Variants in ZNF385D observed in about 807,000 individuals in gnomAD.
The protein encoded by ZNF385D is zinc finger protein 659.
ZNF385D carries 15 observed loss-of-function variants against 35.8 expected under a neutral mutation model. The ratio of observed to expected loss-of-function variants is 0.42; its 90% CI spans 0.28 to 0.64. The LOEUF is 0.64. Ranked by LOEUF, ZNF385D falls within the 30% of genes least tolerant of loss-of-function variation. The probability of loss-of-function intolerance (pLI) is 0.23; values close to 1 mark genes in which losing one functional copy is unlikely to be tolerated. For synonymous variants in ZNF385D, 212 were observed against 186.8 expected, an observed-to-expected ratio of 1.13 and a Z score of -1.10; for missense variants, 474 against 494.6, an observed-to-expected ratio of 0.96 and a Z score of 0.39.
At chr3:21,443,383 T>A (rs1300683235) in intron 4 of ZNF385D, 2 of 982,888 alleles carry the variant, frequency 2.0e-6, no homozygotes, top group Non-Finnish European at 2.4e-6. Flanking sequence ...TGGCATATAG[T>A]CTCCATTTGT....
At chr3:21,558,142 T>C (rs1168007295) in intron 3 of ZNF385D, among the ~76,000 whole-genome samples, 2 of 150,190 alleles carry the variant, frequency 1.3e-5, no homozygotes, top group Non-Finnish European at 3.0e-5. Flanking sequence ...GGGTTTTTCA[T>C]GTCTCTATCT....
chr3:22,309,676 G>A (rs1703430119), intron 2 of ZNF385D, among the ~76,000 whole-genome samples: 1 of 151,978 alleles, frequency 6.6e-6, no homozygotes, highest in Admixed American at 6.6e-5. Flanking sequence ...CAATTAAGCT[G>A]ACCAAACTCA....
Position 21,851,285 on chromosome 3 carries a change from T to C in ZNF385D, c.326-186257A>G, listed in dbSNP as rs545440013. 5.3e-5 allele frequency among the ~76,000 whole-genome samples: 8 copies of C among 152,178 alleles called. No homozygotes were observed. In the East Asian group the frequency reaches 1.4e-3, roughly 26 times the overall value. ...TGATGAAAGCAACTACAGGCATACC[T>C]TGGAGACATGGAGCAACCAGAACTC... On this transcript the variant is annotated intron_variant, in intron 3 of 5. Transcript: ENST00000494108.
At chr3:21,847,055 A>G (rs2125800004) in intron 3 of ZNF385D, among the ~76,000 whole-genome samples, 1 of 152,152 alleles carries the variant, frequency 6.6e-6, no homozygotes, top group South Asian at 2.1e-4. Context: ...TTCAACCTGA[A>G]CTTTTTCAGT....
At position 21,421,635 on chromosome 3, in the gene ZNF385D, A is replaced by C. The variant is rs1700744592; in HGVS notation, c.955-188T>G. Among the ~76,000 whole-genome samples the C allele has an allele frequency of 2.0e-5, 3 of 152,230 alleles. No homozygotes were observed. The South Asian group carries it at 6.2e-4, about 32-fold the overall frequency. Reference sequence around the variant, plus strand: ...TTTCCCTTTGGAAGAGTTGGAAGATACCTGAAAATGGCCAACCGGGAATGC... The same window carrying C: ...TTTCCCTTTGGAAGAGTTGGAAGATCCCTGAAAATGGCCAACCGGGAATGC... On this transcript the variant is annotated intron_variant, in intron 7 of 7. Coordinates refer to ENST00000281523, the MANE Select transcript of ZNF385D (RefSeq NM_024697.3).
At chr3:21,784,635 T>A (rs1257297378) in intron 3 of ZNF385D, among the ~76,000 whole-genome samples, 5 of 131,836 alleles carry the variant, frequency 3.8e-5, no homozygotes, top group Admixed American at 8.2e-5. Context: ...AAATAGTACT[T>A]TAATTAATTA....
intron 2 of ZNF385D, among the ~76,000 whole-genome samples, chr3:22,308,025 T>C (rs2125422933): frequency 6.6e-6 from 1 of 152,260 alleles, no homozygotes; most frequent in South Asian, 2.1e-4. Context: ...TTTAGGTCTC[T>C]AGACAGCTCC....
At chr3:21,862,599 T>G (rs1398874591) in intron 3 of ZNF385D, among the ~76,000 whole-genome samples, 1 of 152,094 alleles carries the variant, frequency 6.6e-6, no homozygotes, top group East Asian at 1.9e-4. Context: ...ATATTATGTG[T>G]ATAGCATTCC....
chr3:21,781,116 C>A lies in ZNF385D; in HGVS notation c.326-116088G>T, dbSNP rs892934142. Among the ~76,000 whole-genome samples, 3 of 151,822 alleles carry A rather than the reference C, an allele frequency of 2.0e-5. 1 individual carries two copies. In the South Asian group the frequency reaches 6.2e-4, roughly 31 times the overall value. ...AGGAGATAATAAGCAAGAGAGGTAA[C>A]CCGGAAGAGATATGTAAGGTCAGCT... On this transcript the variant is annotated intron_variant, in intron 3 of 5. Coordinates refer to the ZNF385D transcript ENST00000494108.
chr3:21,773,573 G>GA (rs1022547674), intron 3 of ZNF385D, among the ~76,000 whole-genome samples: 216 of 150,930 alleles, frequency 1.4e-3, no homozygotes, highest in African/African-American at 5.0e-3. Flanking sequence ...GAATTTACAA[G>GA]AAAAAAAACA....
At chr3:21,768,400 T>C (rs1224614772) in intron 3 of ZNF385D, among the ~76,000 whole-genome samples, 8 of 152,012 alleles carry the variant, frequency 5.3e-5, no homozygotes, top group African/African-American at 1.4e-4. Flanking sequence ...CAGGAGTCTC[T>C]TTCCCCACCT....
chr3:22,237,884 T>G (rs770587470), intron 2 of ZNF385D, among the ~76,000 whole-genome samples: 51 of 151,040 alleles, frequency 3.4e-4, no homozygotes, highest in Non-Finnish European at 6.0e-4. Context: ...TCTTGTGATC[T>G]GCCCGCCACA....
At chr3:22,317,651 A>G (rs1477411581) in intron 2 of ZNF385D, among the ~76,000 whole-genome samples, 1 of 152,202 alleles carries the variant, frequency 6.6e-6, no homozygotes, top group Non-Finnish European at 1.5e-5. Flanking sequence ...CCTAGGAATA[A>G]GGGTAGGTAA....
At chr3:21,827,358 A>C (rs1290422213) in intron 3 of ZNF385D, among the ~76,000 whole-genome samples, 2 of 152,188 alleles carry the variant, frequency 1.3e-5, no homozygotes, top group Non-Finnish European at 2.9e-5. Flanking sequence ...ACACGCATAT[A>C]TATTAACTGT....
chr3:21,530,570 C>G (rs1465091120), intron 3 of ZNF385D, among the ~76,000 whole-genome samples: 2 of 152,088 alleles, frequency 1.3e-5, no homozygotes, highest in Non-Finnish European at 2.9e-5. Flanking sequence ...TACTAGTAAT[C>G]TTAGGAAGGT....
At chr3:22,165,741 A>T (rs1240914214) in intron 3 of ZNF385D, among the ~76,000 whole-genome samples, 2 of 152,202 alleles carry the variant, frequency 1.3e-5, no homozygotes. Context: ...AGGAGACCCC[A>T]GAACTCAGCT....
chr3:21,447,609 A>C (rs1429654940), intron 4 of ZNF385D, among the ~76,000 whole-genome samples: 3 of 152,194 alleles, frequency 2.0e-5, no homozygotes, highest in African/African-American at 7.2e-5. Context: ...GGTTAAAAGT[A>C]AGGGTTTGTC....
At chr3:21,488,936 C>T (rs1322629408) in intron 4 of ZNF385D, among the ~76,000 whole-genome samples, 1 of 152,096 alleles carries the variant, frequency 6.6e-6, no homozygotes, top group Non-Finnish European at 1.5e-5. Context: ...CCAGAGGATA[C>T]CATTGTTGCC....
intron 3 of ZNF385D, among the ~76,000 whole-genome samples, chr3:21,833,793 C>G (rs188943502): frequency 6.6e-6 from 1 of 152,102 alleles, no homozygotes; most frequent in East Asian, 1.9e-4. Context: ...TTTTATTCAT[C>G]TGTAAAATGG....
Sources: allele counts gnomAD v4.1 joint callset (sites outside exome capture counted in the v4.1 genomes callset), GRCh38; gene constraint gnomAD v4.1.1; transcripts MANE v1.5; gene names NCBI Gene and HGNC (gene_info 2026-07-23, HGNC 2026-07-21).